The following IPO11 variants were observed in gnomAD, a reference collection of about 807,000 sequenced individuals.
IPO11 encodes the protein importin-11.
A neutral mutation model predicts 143.2 loss-of-function variants in IPO11; 66 were observed. The observed-to-expected ratio is 0.46, with a 90% CI of 0.38 to 0.57. IPO11 has a LOEUF of 0.57. Among genes scored for constraint, IPO11 ranks in the 20% least tolerant of loss-of-function variants. The pLI is 0.00. For synonymous variants in IPO11, 385 were observed against 377.8 expected (o/e 1.02, Z -0.22); for missense variants, 1,026 against 1,141.0 (o/e 0.90, Z 1.45).
chr5:62,499,219 G>T (rs2112251804), intron 16 of IPO11, among the ~76,000 whole-genome samples: 1 of 152,280 alleles, frequency 6.6e-6, no homozygotes, highest in South Asian at 2.1e-4. Context: ...AGATAGTAGA[G>T]GCTATCTCGG....
chr5:62,620,636 T>C (rs1746321642), intron 29 of IPO11, among the ~76,000 whole-genome samples: 1 of 152,220 alleles, frequency 6.6e-6, no homozygotes, highest in South Asian at 2.1e-4. Context: ...TGGTTGAGTT[T>C]TTCTAAAGAC....
intron 24 of IPO11, among the ~76,000 whole-genome samples, chr5:62,549,973 C>G (rs924480853): frequency 6.6e-6 from 1 of 152,180 alleles, no homozygotes; most frequent in African/African-American, 2.4e-5. Context: ...GTGTTACTAA[C>G]TTCCTGTTTA....
chr5:62,458,818 G>T (rs1157047105), intron 5 of IPO11, among the ~76,000 whole-genome samples: 4 of 152,174 alleles, frequency 2.6e-5, no homozygotes, highest in African/African-American at 9.7e-5. Context: ...GAACAGAAGA[G>T]ATTTTGAATA....
chr5:62,502,187 G>A (rs114820379), intron 16 of IPO11, among the ~76,000 whole-genome samples: 1 of 152,100 alleles, frequency 6.6e-6, no homozygotes, highest in Non-Finnish European at 1.5e-5. Context: ...CTTATGTCTT[G>A]ACGGCACTTA....
chr5:62,545,306 C>A (rs1019447207), intron 24 of IPO11, among the ~76,000 whole-genome samples: 15 of 152,270 alleles, frequency 9.9e-5, no homozygotes, highest in African/African-American at 3.4e-4. Context: ...ACAGCTACAA[C>A]CATCTGATCT....
chr5:62,596,657 T>C (rs1170433718), intron 28 of IPO11, among the ~76,000 whole-genome samples: 1 of 152,186 alleles, frequency 6.6e-6, no homozygotes, highest in African/African-American at 2.4e-5. Flanking sequence ...GAATAGAGAA[T>C]ACTAGAAGAA....
At chr5:62,530,964 C>G (rs1419967469) in intron 22 of IPO11, among the ~76,000 whole-genome samples, 179 bp downstream of exon 22, 1 of 152,150 alleles carries the variant, frequency 6.6e-6, no homozygotes, top group Non-Finnish European at 1.5e-5. Flanking sequence ...GTTTGGGGTA[C>G]AATTGATTCT....
At chr5:62,514,770 C>G (rs1020761352) in intron 19 of IPO11, among the ~76,000 whole-genome samples, 1 of 152,246 alleles carries the variant, frequency 6.6e-6, no homozygotes, top group Admixed American at 6.5e-5. Context: ...TTTCAAGAAA[C>G]TACTGTCAGA....
intron 1 of IPO11, among the ~76,000 whole-genome samples, chr5:62,433,573 A>G (rs574439880): frequency 6.6e-6 from 1 of 152,296 alleles, no homozygotes; most frequent in Non-Finnish European, 1.5e-5. Context: ...TTCTTATCCT[A>G]ACAACTACTG....
chr5:62,605,498 T>C (rs1211472495), intron 29 of IPO11, among the ~76,000 whole-genome samples: 1 of 152,122 alleles, frequency 6.6e-6, no homozygotes, highest in East Asian at 1.9e-4. Context: ...AAGCATTTCA[T>C]TTAATATATG....
chr5:62,623,434 T>C (rs1034526443), intron 29 of IPO11, among the ~76,000 whole-genome samples: 5 of 152,126 alleles, frequency 3.3e-5, no homozygotes, highest in African/African-American at 1.2e-4. Context: ...AATAGGAAAT[T>C]GTTACCAGAA....
intron 5 of IPO11, among the ~76,000 whole-genome samples, chr5:62,454,106 G>GC (rs1307111982): frequency 6.6e-6 from 1 of 152,170 alleles, no homozygotes; most frequent in East Asian, 1.9e-4. Flanking sequence ...CTGCACTCCA[G>GC]CCTGGGTGAC....
At chr5:62,441,882 T>C (rs1744494603) in intron 2 of IPO11, among the ~76,000 whole-genome samples, 1 of 151,164 alleles carries the variant, frequency 6.6e-6, no homozygotes, top group Admixed American at 6.6e-5. Context: ...AGTCTCACTC[T>C]GTCACCAGGT....
chr5:62,611,914 TTAAG>T (rs1321818454), intron 29 of IPO11, among the ~76,000 whole-genome samples: 2 of 152,136 alleles, frequency 1.3e-5, no homozygotes, highest in Non-Finnish European at 2.9e-5. Context: ...GGAAGAAAAA[TTAAG>T]TAAACTTTTT....
intron 24 of IPO11, among the ~76,000 whole-genome samples, chr5:62,544,417 C>A (rs1743079600): frequency 6.6e-6 from 1 of 152,140 alleles, no homozygotes; most frequent in Non-Finnish European, 1.5e-5. Context: ...ATGCTAAAAA[C>A]CCTCAATAAA....
chr5:62,465,482 G>T (rs752083167), intron 5 of IPO11, among the ~76,000 whole-genome samples: 8 of 152,106 alleles, frequency 5.3e-5, no homozygotes, highest in Non-Finnish European at 1.0e-4. Flanking sequence ...GTGAATGTTT[G>T]CTTCTCTGCT....
intron 29 of IPO11, among the ~76,000 whole-genome samples, chr5:62,623,555 T>A (rs942767207): frequency 2.0e-5 from 3 of 151,740 alleles, no homozygotes; most frequent in Non-Finnish European, 2.9e-5. Flanking sequence ...AATACAGGAA[T>A]AAAAGAATGG....
chr5:62,435,172 GTATATA>G (rs368807385), intron 1 of IPO11, among the ~76,000 whole-genome samples: 1 of 88,312 alleles, frequency 1.1e-5, no homozygotes, highest in Admixed American at 1.3e-4. Flanking sequence ...GTATATATAT[GTATATA>G]TGTATATATA....
In IPO11 at chr5:62,551,336, G is replaced by T. The variant is rs1330631044; in HGVS notation, c.2460G>T (p.Glu820Asp). The part of the protein sequence containing the change: ...LNEMAHKFNQ[E>D]MDQLLGNMIE... ...AGATGGCCCATAAATTTAATCAGGA[G>T]GTAAGAATCAATATACTTAAATTTA... Residue 820 changes from glutamate (E) to aspartate (D), a missense_variant and splice_region_variant, in exon 26 of 30, where the codon GAG (glutamate) becomes GAT (aspartate). Coordinates refer to ENST00000325324, the MANE Select transcript of IPO11 (RefSeq NM_016338.5). 1 of 1,454,022 alleles carries T rather than the reference G, an allele frequency of 6.9e-7. No individual in the cohort carries two copies. Among genetic ancestry groups the T allele is most frequent in the South Asian group, 1.1e-5 (1 of 86,972 alleles). The allele number at this position is 1,454,022 out of a possible 1,614,324, so 90.1% of individuals were successfully genotyped here. A position where few individuals can be genotyped will look rare whatever the true frequency, so the allele number is the denominator to read the frequency against.
Sources: gnomAD v4.1 joint callset for allele counts (sites outside exome capture counted in the v4.1 genomes callset) on GRCh38, gnomAD v4.1.1 for gene constraint, MANE v1.5 for transcripts, NCBI Gene and HGNC (gene_info 2026-07-23, HGNC 2026-07-21) for gene names.